Variants in SPMIP11 observed in about 807,000 individuals in gnomAD.
The protein encoded by SPMIP11 is long intergenic non-protein coding RNA 935.
At chr12:48,761,826 G>A in the SPMIP11 span, among the ~76,000 whole-genome samples, 6 of 140,950 alleles carry the variant, frequency 4.3e-5, no homozygotes, top group African/African-American at 1.3e-4. Flanking sequence ...TGGCTCAAGT[G>A]ATCTTTCCAC....
the SPMIP11 span, chr12:48,771,024 T>G: frequency 6.4e-7 from 1 of 1,568,596 alleles, no homozygotes; most frequent in Non-Finnish European, 8.7e-7. This position sits in a 1 kb window ranked among gnomAD's most constrained non-coding sequence, Gnocchi z 4.3. Flanking sequence ...GACCCAGCCC[T>G]GCCCCAACAC....
the SPMIP11 span, among the ~76,000 whole-genome samples, chr12:48,754,418 C>T: frequency 6.6e-6 from 1 of 152,050 alleles, no homozygotes; most frequent in East Asian, 1.9e-4. Flanking sequence ...TCCCAAAGTA[C>T]TGGGATTACA....
the SPMIP11 span, among the ~76,000 whole-genome samples, chr12:48,749,744 T>A: frequency 1.4e-5 from 2 of 144,168 alleles, no homozygotes; most frequent in Non-Finnish European, 3.0e-5. Context: ...CAGGCTGGAG[T>A]GCAGTGGCCC....
the SPMIP11 span, chr12:48,765,472 A>G: frequency 1.1e-5 from 7 of 611,732 alleles, no homozygotes; most frequent in Non-Finnish European, 1.5e-5. Context: ...CTTGTGATCC[A>G]CCCGCCAGGG....
chr12:48,763,429 A>G, the SPMIP11 span, among the ~76,000 whole-genome samples: 3 of 152,150 alleles, frequency 2.0e-5, no homozygotes, highest in African/African-American at 7.2e-5. Flanking sequence ...TCTGCCTCTT[A>G]AAGTGCTGGG....
the SPMIP11 span, among the ~76,000 whole-genome samples, chr12:48,735,661 G>A: frequency 1.3e-5 from 2 of 152,048 alleles, no homozygotes; most frequent in African/African-American, 4.8e-5. Flanking sequence ...ACTTTGGGAG[G>A]CCAAGGAGGG....
chr12:48,758,326 C>G, the SPMIP11 span, among the ~76,000 whole-genome samples: 6 of 152,218 alleles, frequency 3.9e-5, no homozygotes, highest in Non-Finnish European at 1.5e-5. Context: ...CTACTACATT[C>G]AATGCTGTGG....
the SPMIP11 span, among the ~76,000 whole-genome samples, chr12:48,731,584 A>C: frequency 1.3e-5 from 2 of 152,202 alleles, no homozygotes; most frequent in African/African-American, 4.8e-5. Context: ...GCTAATGGCC[A>C]GAATTGTTGA....
At chr12:48,752,477 A>C in the SPMIP11 span, among the ~76,000 whole-genome samples, 748 of 152,128 alleles carry the variant, frequency 4.9e-3, 8 homozygotes, top group African/African-American at 0.017. Flanking sequence ...CAGGCTCACC[A>C]TTCCTCTTTC....
chr12:48,729,292 T>C, the SPMIP11 span, among the ~76,000 whole-genome samples: 4 of 151,998 alleles, frequency 2.6e-5, no homozygotes, highest in African/African-American at 9.7e-5. Context: ...TCCCAGCACT[T>C]TGGGAGGCCG....
At chr12:48,749,933 C>T in the SPMIP11 span, among the ~76,000 whole-genome samples, 7,389 of 151,652 alleles carry the variant, frequency 0.049, 612 homozygotes, top group African/African-American at 0.17. Flanking sequence ...CCTCGTGATC[C>T]GCCTGCCTCG....
chr12:48,742,233 TC>T, the SPMIP11 span, among the ~76,000 whole-genome samples: 1 of 151,992 alleles, frequency 6.6e-6, no homozygotes, highest in Non-Finnish European at 1.5e-5. Flanking sequence ...ACCCACCTTT[TC>T]TGAGTTTTTC....
chr12:48,764,591 A>G, the SPMIP11 span, among the ~76,000 whole-genome samples: 1 of 152,194 alleles, frequency 6.6e-6, no homozygotes, highest in Non-Finnish European at 1.5e-5. Context: ...CTACCATCTT[A>G]GCACTTGGGG....
chr12:48,756,771 C>CTT, the SPMIP11 span, among the ~76,000 whole-genome samples: 3,285 of 108,214 alleles, frequency 0.03, 137 homozygotes, highest in African/African-American at 0.09. Context: ...ATTTTTTTTT[C>CTT]TTTTTTTCTT....
chr12:48,735,251 A>G, the SPMIP11 span, among the ~76,000 whole-genome samples: 3 of 152,184 alleles, frequency 2.0e-5, no homozygotes, highest in African/African-American at 7.2e-5. Context: ...TGATACTCTA[A>G]GCAGAGAACT....
chr12:48,758,176 A>G, the SPMIP11 span, among the ~76,000 whole-genome samples: 2 of 152,162 alleles, frequency 1.3e-5, no homozygotes, highest in Non-Finnish European at 2.9e-5. Flanking sequence ...AAAATACATA[A>G]ATAAATAAAA....
the SPMIP11 span, among the ~76,000 whole-genome samples, chr12:48,760,793 C>T: frequency 1.3e-5 from 2 of 152,202 alleles, no homozygotes; most frequent in Non-Finnish European, 2.9e-5. Context: ...TCCCAAAGTG[C>T]TGGGATTACA....
the SPMIP11 span, among the ~76,000 whole-genome samples, chr12:48,728,707 C>CAAA: frequency 4.3e-3 from 298 of 70,066 alleles, no homozygotes; most frequent in Non-Finnish European, 4.8e-3. Flanking sequence ...GACTCTGTCT[C>CAAA]AAAAAAAAAA....
chr12:48,743,714 G>A, the SPMIP11 span, among the ~76,000 whole-genome samples: 1 of 151,974 alleles, frequency 6.6e-6, no homozygotes, highest in African/African-American at 2.4e-5. Context: ...GGCCAAGGCG[G>A]GCGGATCGCC....
Sources: allele counts gnomAD v4.1 joint callset (sites outside exome capture counted in the v4.1 genomes callset), GRCh38; gene constraint gnomAD v4.1.1; non-coding constraint Gnocchi (gnomAD v3.1); transcripts MANE v1.5; gene names NCBI Gene and HGNC (gene_info 2026-07-23, HGNC 2026-07-21).